ATP2B4: variants seen among roughly 807,000 people sequenced by gnomAD.
The protein encoded by ATP2B4 is plasma membrane calcium-transporting ATPase 4.
In ATP2B4, 39 loss-of-function variants were observed where a neutral mutation model predicts 110.3. That is an observed-to-expected ratio of 0.35 (90% confidence interval 0.27 to 0.46). The LOEUF (loss-of-function observed/expected upper bound fraction) is 0.46. ATP2B4 is among the 20% of genes least tolerant of loss of function. The probability of loss-of-function intolerance (pLI) is 1.00; values close to 1 mark genes in which losing one functional copy is unlikely to be tolerated. For missense variants in ATP2B4, 1,135 were observed against 1,530.9 expected (o/e 0.74, Z 4.32); for synonymous variants, 538 against 571.7 (o/e 0.94, Z 0.84).
chr1:203,707,794 G>A (rs954615340), intron 9 of ATP2B4, 68 bp from the exon 10 acceptor site: 1 of 1,581,240 alleles, frequency 6.3e-7, no homozygotes, highest in Admixed American at 1.7e-5. Context: ...CTAGGAAATG[G>A]CCTTTGACCT....
chr1:203,736,474 A>C (rs2006904), intron 20 of ATP2B4, among the ~76,000 whole-genome samples: 37,682 of 148,688 alleles, frequency 0.25, 5,037 homozygotes, highest in Admixed American at 0.4. Context: ...ATCCCCCCCA[A>C]AAAAAAAAAA....
rs1471401103 is a variant in ATP2B4, at chr1:203,672,324, C to T, written c.-464-10418C>T. Among the ~76,000 whole-genome samples, 317 of 79,526 alleles carry T rather than the reference C, an allele frequency of 4.0e-3. 1 individual carries two copies. Among genetic ancestry groups the T allele is most frequent in the African/African-American group, 0.015 (260 of 17,416 alleles). The allele number at this position is 79,526 out of a possible 152,430, so 52.2% of individuals were successfully genotyped here. A position where few individuals can be genotyped will look rare whatever the true frequency, so the allele number is the denominator to read the frequency against. ...TGTTCCTGAGTAAGTTGCGGTGGCT[C>T]TTTTTTTTTTTTTTTTTTTTTTTTT... On this transcript the variant is annotated intron_variant, in intron 1 of 20. Transcript: ENST00000357681.
intron 2 of ATP2B4, among the ~76,000 whole-genome samples, chr1:203,686,622 A>T (rs1304340038): frequency 6.7e-6 from 1 of 149,004 alleles, no homozygotes; most frequent in South Asian, 2.1e-4. Context: ...ACAATTTTCT[A>T]CTGCCATGTA....
intron 1 of ATP2B4, among the ~76,000 whole-genome samples, chr1:203,667,387 T>G (rs1471995163): frequency 1.3e-5 from 2 of 151,948 alleles, no homozygotes; most frequent in Non-Finnish European, 2.9e-5. Context: ...TTCTAGGGAG[T>G]GGATATGGGC....
intron 1 of ATP2B4, among the ~76,000 whole-genome samples, chr1:203,670,608 C>T (rs1050586212): frequency 6.6e-6 from 1 of 152,222 alleles, no homozygotes; most frequent in African/African-American, 2.4e-5. Context: ...ACTCTTTCCT[C>T]ACCTCTCCCT....
chr1:203,633,367 G>A (rs1663334280), intron 1 of ATP2B4, among the ~76,000 whole-genome samples: 1 of 152,208 alleles, frequency 6.6e-6, no homozygotes, highest in Non-Finnish European at 1.5e-5. Context: ...GGCCAGGGCA[G>A]GAGGATCGCT....
At chr1:203,665,997 C>T (rs1664491859) in intron 1 of ATP2B4, among the ~76,000 whole-genome samples, 1 of 152,196 alleles carries the variant, frequency 6.6e-6, no homozygotes, top group African/African-American at 2.4e-5. Flanking sequence ...AACTTACTGG[C>T]TAGTATTGTT....
intron 2 of ATP2B4, among the ~76,000 whole-genome samples, chr1:203,691,212 T>G (rs963480929): frequency 2.0e-5 from 3 of 152,236 alleles, no homozygotes; most frequent in Non-Finnish European, 4.4e-5. Context: ...CTTTGACAAC[T>G]CAGCAGCAAC....
In ATP2B4 at chr1:203,733,137, A is replaced by G. The variant is rs1461968171; in HGVS notation, c.3309+5566A>G. ...ATCTACTTCCATTCCTGCTTCCCCA[A>G]CCTTCCATGACCCTCCCTTCCTCTT... On this transcript the variant is annotated intron_variant, in intron 20 of 20. Transcript: ENST00000357681. 11 of 1,332,118 alleles carry G rather than the reference A, an allele frequency of 8.3e-6. No individual in the cohort carries two copies. The East Asian group carries it at 1.5e-4, about 18-fold the overall frequency. The allele number at this position is 1,332,118 out of a possible 1,614,324, so 82.5% of individuals were successfully genotyped here.
intron 20 of ATP2B4, chr1:203,729,586 C>A: frequency 5.9e-6 from 3 of 511,460 alleles, no homozygotes; most frequent in Non-Finnish European, 1.1e-5. Context: ...GGATTGCAGA[C>A]TCACTATGCA....
intron 1 of ATP2B4, among the ~76,000 whole-genome samples, chr1:203,644,204 C>A (rs1231027563): frequency 3.5e-5 from 5 of 143,580 alleles, no homozygotes; most frequent in Non-Finnish European, 7.5e-5. Flanking sequence ...AAGCCGAGAT[C>A]ATGCCATGGC....
intron 20 of ATP2B4, among the ~76,000 whole-genome samples, chr1:203,730,104 G>A (rs192029038): frequency 4.4e-4 from 67 of 151,800 alleles, no homozygotes; most frequent in African/African-American, 1.3e-3. Flanking sequence ...ACAATAAATC[G>A]TCTTATTTTA....
chr1:203,733,851 GC>G (rs1666804965), intron 20 of ATP2B4, among the ~76,000 whole-genome samples: 1 of 152,156 alleles, frequency 6.6e-6, no homozygotes, highest in South Asian at 2.1e-4. Context: ...TTACATGGGG[GC>G]AAAGTTTGGG....
Position 203,629,379 on chromosome 1 carries a change from G to A in ATP2B4, c.-465+2160G>A, listed in dbSNP as rs927399814. Among the ~76,000 whole-genome samples, 1 of 152,214 alleles carries A rather than the reference G, an allele frequency of 6.6e-6. No individual in the cohort carries two copies. The highest frequency in any genetic ancestry group is 1.5e-5 in the Non-Finnish European group (1 of 68,046). On this transcript the variant is annotated intron_variant, in intron 1 of 20. Coordinates refer to ENST00000357681, the MANE Select transcript of ATP2B4 (RefSeq NM_001684.5). This position sits in a 1 kb window ranked among gnomAD's most constrained non-coding sequence, Gnocchi z 4.6. ...GCCGCTTTCGCCGCGGCCTCCCATC[G>A]TGGAGGCTCAGAGTGCAGCTATTCC...
chr1:203,632,959 G>A (rs991656015), intron 1 of ATP2B4, among the ~76,000 whole-genome samples: 1 of 152,170 alleles, frequency 6.6e-6, no homozygotes, highest in Non-Finnish European at 1.5e-5. Flanking sequence ...AAAGGACTGT[G>A]GAAAGGAACA....
At chr1:203,707,254 T>G in intron 9 of ATP2B4, 31 bp downstream of exon 9, 2 of 1,575,748 alleles carry the variant, frequency 1.3e-6, no homozygotes, top group South Asian at 2.2e-5. Context: ...TCTCTTCCTT[T>G]AGGATAGAGA....
At chr1:203,731,950 C>T (rs1200477971) in intron 20 of ATP2B4, among the ~76,000 whole-genome samples, 2 of 150,306 alleles carry the variant, frequency 1.3e-5, no homozygotes, top group African/African-American at 2.4e-5. Context: ...AGGCCAAGAC[C>T]GGCGGATCAC....
rs900747072 is a variant in ATP2B4, at chr1:203,742,198, G to A, written c.*2344G>A. ...TAAAGTGCCGTCATGTAGCCCTGTG[G>A]AAGGGAGCACATAACCAGCTGTTTG... On this transcript the variant is annotated 3_prime_UTR_variant, in exon 21 of 21. Coordinates refer to ENST00000357681, the MANE Select transcript of ATP2B4 (RefSeq NM_001684.5). 6.6e-6 allele frequency: 1 copy of A among 152,608 alleles called. No individual in the cohort carries two copies. The highest frequency in any genetic ancestry group is 2.4e-5 in the African/African-American group (1 of 41,442). The allele number at this position is 152,608 out of a possible 1,614,324, so 9.5% of individuals were successfully genotyped here.
intron 1 of ATP2B4, among the ~76,000 whole-genome samples, chr1:203,679,514 T>C (rs1047424913): frequency 6.6e-6 from 1 of 152,198 alleles, no homozygotes; most frequent in Non-Finnish European, 1.5e-5. Context: ...TCTAATCTTA[T>C]GCGACCTTTT....
Sources: gnomAD v4.1 joint callset for allele counts (sites outside exome capture counted in the v4.1 genomes callset) on GRCh38, gnomAD v4.1.1 for gene constraint, Gnocchi (gnomAD v3.1) non-coding constraint, MANE v1.5 for transcripts, NCBI Gene and HGNC (gene_info 2026-07-23, HGNC 2026-07-21) for gene names.